Variants in TMC3 observed in about 807,000 individuals in gnomAD.
The protein encoded by TMC3 is transmembrane channel like 3, also known as transmembrane channel-like protein 3.
TMC3 carries 98 observed loss-of-function variants against 110.6 expected under a neutral mutation model. The ratio of observed to expected loss-of-function variants is 0.89; its 90% confidence interval spans 0.75 to 1.05. The LOEUF (loss-of-function observed/expected upper bound fraction) is 1.05. Among genes scored for constraint, TMC3 ranks in the 50% least tolerant of loss-of-function variants. TMC3 has a pLI of 0.00. For missense variants in TMC3, 1,319 were observed against 1,373.2 expected, an observed-to-expected ratio of 0.96 and a Z score of 0.62; for synonymous variants, 489 against 513.1, an observed-to-expected ratio of 0.95 and a Z score of 0.63.
intron 9 of TMC3, among the ~76,000 whole-genome samples, chr15:81,353,022 T>C (rs1383976767): frequency 6.6e-6 from 1 of 152,150 alleles, no homozygotes; most frequent in Non-Finnish European, 1.5e-5. Context: ...GGTTTTCCCA[T>C]GTTGATCAGG....
rs35537034 is a variant in TMC3 at position 81,364,682 on chromosome 15, T to TAAAAA, written c.313-2386_313-2382dup. Among the ~76,000 whole-genome samples, 97 of 95,096 alleles carry TAAAAA rather than the reference T, an allele frequency of 1.0e-3. 1 individual carries two copies. Among genetic ancestry groups the TAAAAA allele is most frequent in the African/African-American group, 4.8e-3 (89 of 18,694 alleles). 62.4% of individuals were successfully genotyped at this position (95,096 alleles called of 152,430 possible). A position where few individuals can be genotyped will look rare whatever the true frequency, so the allele number is the denominator to read the frequency against. On this transcript the variant is annotated intron_variant, in intron 3 of 21. Transcript: ENST00000359440. The stretch of plus-strand genomic sequence containing the variant: ...ATGTACCCTAAAACTTAAAGTATAA[T>TAAAAA]AAAAAAAAACATTATTCCAAAAAAA...
intron 2 of TMC3, 37 bp from the exon 3 acceptor site, chr15:81,368,365 A>G: frequency 2.0e-6 from 3 of 1,537,514 alleles, no homozygotes; most frequent in Middle Eastern, 1.7e-4. Flanking sequence ...ACACAATTGT[A>G]TCACACTTAC....
intron 10 of TMC3, among the ~76,000 whole-genome samples, chr15:81,350,485 GATAAA>G (rs10590922): frequency 0.16 from 23,824 of 152,016 alleles, 3,556 homozygotes; most frequent in African/African-American, 0.4. Context: ...AGATGTTTGA[GATAAA>G]ATAAGAAATA....
chr15:81,372,442 A>G, intron 2 of TMC3, 149 bp downstream of exon 2: 1 of 898,454 alleles, frequency 1.1e-6, no homozygotes, highest in Non-Finnish European at 1.7e-6. Context: ...TAGACCTCTC[A>G]GATATCTTTG....
chr15:81,338,009 G>T, intron 18 of TMC3, 85 bp from the exon 19 acceptor site: 1 of 1,082,010 alleles, frequency 9.2e-7, no homozygotes. Flanking sequence ...ATAGTTGGCA[G>T]GAATGAGAGG....
rs765923154 is a variant in TMC3 at position 81,351,727 on chromosome 15, C to A, written c.1050G>T (p.Ser350=). 1.9e-6 allele frequency: 3 copies of A among 1,565,888 alleles called. No homozygotes were observed. Among genetic ancestry groups the A allele is most frequent in the African/African-American group, 2.7e-5 (2 of 73,660 alleles). ...TTTCCCAAAGTGTCAGCTCCTTCTTCGACTGCTCCAGCTTCTGGGACCGGT... is the reference window on the plus strand; with the variant it reads ...TTTCCCAAAGTGTCAGCTCCTTCTTAGACTGCTCCAGCTTCTGGGACCGGT... The part of the protein sequence containing the change: ...VVDRSQKLEQ[S]KKELTLWEKN... The change falls in exon 10 of 22, where the codon TCG becomes TCT. Residue 350 remains serine (S), a synonymous_variant. Coordinates refer to ENST00000359440, the MANE Select transcript of TMC3 (RefSeq NM_001080532.3).
At chr15:81,361,341 A>C (rs543087455) in intron 4 of TMC3, among the ~76,000 whole-genome samples, 1 of 152,340 alleles carries the variant, frequency 6.6e-6, no homozygotes, top group African/African-American at 2.4e-5. Flanking sequence ...ATATTTATGC[A>C]GTAGACTGAC....
At chr15:81,365,142 C>T (rs1042565660) in intron 3 of TMC3, among the ~76,000 whole-genome samples, 18 of 152,118 alleles carry the variant, frequency 1.2e-4, no homozygotes, top group African/African-American at 4.3e-4. Flanking sequence ...CAGTGCTGTA[C>T]TTATACTGAA....
At chr15:81,347,931 T>C (rs1893860520) in intron 11 of TMC3, among the ~76,000 whole-genome samples, 1 of 152,216 alleles carries the variant, frequency 6.6e-6, no homozygotes, top group Non-Finnish European at 1.5e-5. Context: ...CCCTGGGCCA[T>C]GAAGGTTTGA....
intron 3 of TMC3, among the ~76,000 whole-genome samples, chr15:81,365,461 A>G (rs947550074): frequency 2.6e-5 from 4 of 152,332 alleles, no homozygotes; most frequent in African/African-American, 7.2e-5. Context: ...TCACAAGGTC[A>G]GGAGTTCGAG....
chr15:81,345,067 C>T (rs1280833318), intron 12 of TMC3, 56 bp from the exon 13 acceptor site: 1 of 1,532,208 alleles, frequency 6.5e-7, no homozygotes, highest in Non-Finnish European at 8.8e-7. Flanking sequence ...AAATGGCGGT[C>T]CACATATTTG....
At chr15:81,345,876 CAAA>C (rs1195038127) in intron 12 of TMC3, among the ~76,000 whole-genome samples, 2 of 147,016 alleles carry the variant, frequency 1.4e-5, no homozygotes, top group Non-Finnish European at 3.0e-5. Flanking sequence ...GACCCTGTCT[CAAA>C]AAAGAAAAAA....
rs776592108 is a variant in TMC3 at position 81,355,721 on chromosome 15, C to T, written c.935+4G>A. On this transcript the variant is annotated splice_donor_region_variant and intron_variant, in intron 9 of 21. Transcript: ENST00000359440. Reference sequence around the variant, plus strand: ...AATTCAGCATGGGGAGTAATAATACCTACAGGTTTTTGCTTTTCTTTTTCT... The same window carrying T: ...AATTCAGCATGGGGAGTAATAATACTTACAGGTTTTTGCTTTTCTTTTTCT... The T allele has an allele frequency of 1.9e-6, 3 of 1,590,696 alleles. No homozygotes were observed. Among genetic ancestry groups the T allele is most frequent in the East Asian group, 4.5e-5 (2 of 44,436 alleles).
At chr15:81,371,118 G>T (rs191172073) in intron 2 of TMC3, among the ~76,000 whole-genome samples, 1 of 152,310 alleles carries the variant, frequency 6.6e-6, no homozygotes. Context: ...AAACTGTGTA[G>T]CTTGGGTTAG....
intron 11 of TMC3, among the ~76,000 whole-genome samples, 170 bp downstream of exon 11, chr15:81,349,287 CT>C (rs1361380407): frequency 1.3e-5 from 2 of 152,168 alleles, no homozygotes; most frequent in African/African-American, 4.8e-5. Context: ...GCCTCCTCCC[CT>C]ATCCCTCCTC....
intron 18 of TMC3, among the ~76,000 whole-genome samples, chr15:81,338,254 A>G (rs563229365): frequency 2.5e-4 from 38 of 151,258 alleles, no homozygotes; most frequent in Middle Eastern, 3.4e-3. Flanking sequence ...ACTCACTTTT[A>G]TTTTTTTTTC....
Position 81,341,528 on chromosome 15 carries a change from T to G in TMC3, c.1716-10A>C. On this transcript the variant is annotated splice_polypyrimidine_tract_variant and intron_variant, in intron 15 of 21. Coordinates refer to ENST00000359440, the MANE Select transcript of TMC3 (RefSeq NM_001080532.3). ...GAAGAAGGCCCCCATCCTGGAACCA[T>G]GAGGAAGGTCAGTTTGCATCTGTTC... is the stretch of plus-strand genomic sequence containing the variant. The G allele has an allele frequency of 7.5e-6, 12 of 1,607,396 alleles. No individual in the cohort carries two copies. Among genetic ancestry groups the G allele is most frequent in the Non-Finnish European group, 1.0e-5 (12 of 1,176,636 alleles).
intron 14 of TMC3, 137 bp from the exon 15 acceptor site, chr15:81,343,482 A>G: frequency 1.6e-6 from 1 of 640,822 alleles, no homozygotes; most frequent in Non-Finnish European, 2.8e-6. Context: ...CATCCCAGCA[A>G]ATGGTAAATG....
chr15:81,367,658 G>A (rs1894345384), intron 3 of TMC3, among the ~76,000 whole-genome samples: 1 of 152,146 alleles, frequency 6.6e-6, no homozygotes, highest in African/African-American at 2.4e-5. Flanking sequence ...ACGAATATGG[G>A]TGGGATTAAC....
Sources: allele counts gnomAD v4.1 joint callset (sites outside exome capture counted in the v4.1 genomes callset), GRCh38; gene constraint gnomAD v4.1.1; transcripts MANE v1.5; gene names NCBI Gene and HGNC (gene_info 2026-07-23, HGNC 2026-07-21).